ZNF827: variants seen among roughly 807,000 people sequenced by gnomAD.
ZNF827 encodes zinc finger protein 827.
A neutral mutation model predicts 102.4 loss-of-function variants in ZNF827; 13 were observed. That is an observed-to-expected ratio of 0.13 (90% CI 0.08 to 0.20). The LOEUF (loss-of-function observed/expected upper bound fraction) is 0.20. ZNF827 is among the 10% of genes least tolerant of loss of function. The probability of loss-of-function intolerance (pLI) is 1.00; values close to 1 mark genes in which losing one functional copy is unlikely to be tolerated. For synonymous variants in ZNF827, 523 were observed against 536.2 expected (o/e 0.98, Z 0.34); for missense variants, 1,103 against 1,344.4 (o/e 0.82, Z 2.81).
chr4:145,833,733 C>T (rs1744511838), intron 7 of ZNF827, among the ~76,000 whole-genome samples: 2 of 151,532 alleles, frequency 1.3e-5, no homozygotes, highest in Admixed American at 6.6e-5. Context: ...GCCCCAACCT[C>T]TTATATCTCT....
intron 6 of ZNF827, among the ~76,000 whole-genome samples, chr4:145,848,143 A>C (rs1746163333): frequency 6.6e-6 from 1 of 152,198 alleles, no homozygotes; most frequent in South Asian, 2.1e-4. Flanking sequence ...ATCATTATTA[A>C]AGTTATATTG....
intron 1 of ZNF827, among the ~76,000 whole-genome samples, chr4:145,938,010 G>A (rs1754354985): frequency 7.2e-6 from 1 of 138,918 alleles, no homozygotes; most frequent in African/African-American, 2.7e-5. Context: ...AAAACCCCCG[G>A]CATCCACACT....
chr4:145,919,483 A>G (rs143877233), intron 1 of ZNF827, among the ~76,000 whole-genome samples: 2 of 152,344 alleles, frequency 1.3e-5, no homozygotes, highest in East Asian at 3.9e-4. Context: ...TAGCAAAGGA[A>G]GGACCACTGA....
chr4:145,807,795 A>G (rs1246903528), intron 8 of ZNF827, among the ~76,000 whole-genome samples: 1 of 149,172 alleles, frequency 6.7e-6, no homozygotes, highest in Non-Finnish European at 1.5e-5. Context: ...AACAAAAAAC[A>G]AAAACAAAAA....
At position 145,810,788 on chromosome 4, in the gene ZNF827, T is replaced by C. The variant is rs199966835; in HGVS notation, c.2383+12634A>G. ...TGTGGAGTTTCCCACTGAATATTCATGGTTTATTGAAAATGGTTTCCTACC... is the reference window on the plus strand; with the variant it reads ...TGTGGAGTTTCCCACTGAATATTCACGGTTTATTGAAAATGGTTTCCTACC... On this transcript the variant is annotated intron_variant, in intron 8 of 14. Coordinates refer to ENST00000508784, the MANE Select transcript of ZNF827 (RefSeq NM_001306215.2). 3.9e-5 allele frequency among the ~76,000 whole-genome samples: 6 copies of C among 152,326 alleles called. No homozygotes were observed. The East Asian group carries it at 7.7e-4, about 20-fold the overall frequency.
At chr4:145,861,538 C>T (rs184213155) in intron 5 of ZNF827, among the ~76,000 whole-genome samples, 1 of 152,234 alleles carries the variant, frequency 6.6e-6, no homozygotes, top group East Asian at 1.9e-4. Context: ...CGTTTGTGCC[C>T]CAAGTATGTG....
At chr4:145,814,078 T>C (rs928905963) in intron 8 of ZNF827, among the ~76,000 whole-genome samples, 3 of 152,164 alleles carry the variant, frequency 2.0e-5, no homozygotes, top group Non-Finnish European at 4.4e-5. Context: ...TGCTCAGAAT[T>C]CGAAGCTTTT....
chr4:145,840,406 A>G (rs1302858981), intron 7 of ZNF827, among the ~76,000 whole-genome samples: 2 of 152,248 alleles, frequency 1.3e-5, no homozygotes, highest in South Asian at 2.1e-4. Flanking sequence ...TTTAAAATGT[A>G]CAATGGCACC....
At chr4:145,822,517 C>T (rs753342256) in intron 8 of ZNF827, among the ~76,000 whole-genome samples, 12 of 152,288 alleles carry the variant, frequency 7.9e-5, no homozygotes, top group Non-Finnish European at 1.5e-4. Flanking sequence ...GAAGAGGCTG[C>T]GGGGCCAACA....
intron 4 of ZNF827, among the ~76,000 whole-genome samples, chr4:145,875,692 G>A (rs1051624351): frequency 1.1e-4 from 16 of 152,124 alleles, no homozygotes; most frequent in African/African-American, 3.9e-4. Flanking sequence ...CTCTCCTTCA[G>A]TTCAACGTAT....
intron 8 of ZNF827, among the ~76,000 whole-genome samples, chr4:145,784,660 A>T (rs993186224): frequency 6.6e-6 from 1 of 152,266 alleles, no homozygotes; most frequent in Non-Finnish European, 1.5e-5. Context: ...AAAAGTGCAC[A>T]TATCAATAAC....
intron 1 of ZNF827, among the ~76,000 whole-genome samples, chr4:145,927,867 A>C (rs767741222): frequency 2.0e-5 from 3 of 152,236 alleles, no homozygotes; most frequent in Non-Finnish European, 4.4e-5. Flanking sequence ...AGCATAATAC[A>C]AACAGAAGGT....
In ZNF827 at chr4:145,903,020, G is replaced by T. The variant is rs767296093; in HGVS notation, c.239C>A (p.Thr80Lys). Residue 80 changes from threonine to lysine, a missense_variant, in exon 2 of 15, where the codon ACG (threonine) becomes AAG (lysine). Coordinates refer to ENST00000508784, the MANE Select transcript of ZNF827 (RefSeq NM_001306215.2). Reference sequence around the variant, plus strand: ...ACTGTCCAGTGCCACCAGCTCCAACGTGTGGCTGCTGGGAGTCGTGCTTCC... The same window carrying T: ...ACTGTCCAGTGCCACCAGCTCCAACTTGTGGCTGCTGGGAGTCGTGCTTCC... Reference protein sequence around the residue: ...SLGSTTPSSHTLELVALDSEV... With the variant: ...SLGSTTPSSHKLELVALDSEV... The T allele has an allele frequency of 6.2e-7, 1 of 1,614,188 alleles. No individual in the cohort carries two copies. Among genetic ancestry groups the T allele is most frequent in the Non-Finnish European group, 8.5e-7 (1 of 1,180,036 alleles).
At chr4:145,921,774 G>A (rs1753085549) in intron 1 of ZNF827, among the ~76,000 whole-genome samples, 1 of 152,100 alleles carries the variant, frequency 6.6e-6, no homozygotes, top group Non-Finnish European at 1.5e-5. Flanking sequence ...CCCCAAGACT[G>A]GAAATCTTAG....
At chr4:145,811,339 T>A (rs1741987698) in intron 8 of ZNF827, among the ~76,000 whole-genome samples, 1 of 152,192 alleles carries the variant, frequency 6.6e-6, no homozygotes, top group African/African-American at 2.4e-5. Flanking sequence ...ATGTAAGTAT[T>A]ACATTATGTA....
chr4:145,885,936 G>T lies in ZNF827; in HGVS notation c.1489C>A (p.Leu497Ile), dbSNP rs1282260415. 1.2e-6 allele frequency: 2 copies of T among 1,614,170 alleles called. No individual in the cohort carries two copies. Among genetic ancestry groups the T allele is most frequent in the African/African-American group, 2.7e-5 (2 of 75,054 alleles). Residue 497 changes from leucine to isoleucine, a missense_variant, in exon 4 of 15, where the codon CTA becomes ATA. Transcript: ENST00000508784. ...GQQREGGGTE[L>I]VGTMMTSNTP... ...TTAGACGTCATCATGGTCCCCACTA[G>T]CTCTGTCCCTCCTCCTTCCCTTTGC...
rs1400440249 is a variant in ZNF827, at chr4:145,892,507, A to C, written c.1094-92T>G. The C allele has an allele frequency of 2.3e-6, 3 of 1,314,690 alleles. No individual in the cohort carries two copies. The South Asian group carries it at 5.3e-5, about 23-fold the overall frequency. The allele number at this position is 1,314,690 out of a possible 1,614,324, so 81.4% of individuals were successfully genotyped here. A position where few individuals can be genotyped will look rare whatever the true frequency, so the allele number is the denominator to read the frequency against. On this transcript the variant is annotated intron_variant, in intron 2 of 14. Transcript: ENST00000508784. ...TCACATACACTGCCATATAAAAAGC[A>C]CTAAAAATGATTTGGGTTTTTTTCT...
intron 5 of ZNF827, among the ~76,000 whole-genome samples, chr4:145,866,147 T>G (rs764077345): frequency 2.0e-5 from 3 of 152,216 alleles, no homozygotes; most frequent in Non-Finnish European, 4.4e-5. Flanking sequence ...TCTCTGCCCT[T>G]GGGATCCATA....
At chr4:145,936,768 C>T (rs1261836157) in intron 1 of ZNF827, among the ~76,000 whole-genome samples, 1 of 152,192 alleles carries the variant, frequency 6.6e-6, no homozygotes. Flanking sequence ...CTTAACCCTT[C>T]CCCCACCCTC....
Sources: allele counts gnomAD v4.1 joint callset (sites outside exome capture counted in the v4.1 genomes callset), GRCh38; gene constraint gnomAD v4.1.1; transcripts MANE v1.5; gene names NCBI Gene and HGNC (gene_info 2026-07-23, HGNC 2026-07-21).